The following EVL variants were observed in gnomAD, a reference collection of about 807,000 sequenced individuals.
The protein encoded by EVL is ena/VASP-like protein.
A neutral mutation model predicts 59.6 loss-of-function variants in EVL; 21 were observed. The observed-to-expected ratio is 0.35, with a 90% confidence interval of 0.25 to 0.51. The LOEUF is 0.51. Ranked by LOEUF, EVL falls within the 20% of genes least tolerant of loss-of-function variation. The pLI is 0.97. For missense variants in EVL, 462 were observed against 546.6 expected (o/e 0.85, Z 1.54); for synonymous variants, 198 against 203.5 (o/e 0.97, Z 0.23).
At chr14:100,082,400 C>T (rs1440227809) in intron 1 of EVL, among the ~76,000 whole-genome samples, 1 of 152,084 alleles carries the variant, frequency 6.6e-6, no homozygotes, top group East Asian at 1.9e-4. Context: ...GTAGCTTTGT[C>T]GTGTGGCTGA....
chr14:100,038,539 C>T (rs997956047), intron 1 of EVL, among the ~76,000 whole-genome samples: 1 of 152,236 alleles, frequency 6.6e-6, no homozygotes, highest in Non-Finnish European at 1.5e-5. Context: ...CGGAACAAGT[C>T]TGGGTCCCAT....
intron 6 of EVL, among the ~76,000 whole-genome samples, chr14:100,129,014 C>T (rs117343423): frequency 0.027 from 4,147 of 152,272 alleles, 81 homozygotes; most frequent in Non-Finnish European, 0.04. Context: ...AATTGAAGCA[C>T]AAAGAGCACG....
intron 1 of EVL, among the ~76,000 whole-genome samples, chr14:100,020,575 G>T (rs1037098531): frequency 6.6e-6 from 1 of 152,094 alleles, no homozygotes; most frequent in African/African-American, 2.4e-5. Flanking sequence ...ATATTGATGG[G>T]CAAAGAGTGA....
chr14:99,987,877 G>A (rs1252104540), intron 1 of EVL, among the ~76,000 whole-genome samples: 1 of 146,228 alleles, frequency 6.8e-6, no homozygotes, highest in Non-Finnish European at 1.5e-5. Context: ...AATAGACTAA[G>A]ACATCTCAAC....
chr14:100,000,594 A>T (rs570509723), intron 1 of EVL, among the ~76,000 whole-genome samples: 68 of 151,972 alleles, frequency 4.5e-4, no homozygotes, highest in African/African-American at 1.1e-3. Context: ...TGATCCGCCC[A>T]CCTCGGCCTC....
At chr14:100,027,997 T>C (rs1425843094) in intron 1 of EVL, among the ~76,000 whole-genome samples, 1 of 152,218 alleles carries the variant, frequency 6.6e-6, no homozygotes, top group Non-Finnish European at 1.5e-5. Context: ...TGGACCGTTG[T>C]GACTAATGCT....
chr14:100,059,105 A>G (rs1302259447), intron 1 of EVL, among the ~76,000 whole-genome samples: 3 of 152,090 alleles, frequency 2.0e-5, no homozygotes, highest in Non-Finnish European at 2.9e-5. Flanking sequence ...ATGGCAGAAT[A>G]ATGGTAATGA....
chr14:99,997,020 T>C (rs79579032), intron 1 of EVL, among the ~76,000 whole-genome samples: 1 of 152,326 alleles, frequency 6.6e-6, no homozygotes, highest in East Asian at 1.9e-4. Context: ...TGGCTAGAAA[T>C]TGTAGACTAG....
At chr14:100,072,855 GCTGCGTCGC>G (rs2062077454) in intron 1 of EVL, among the ~76,000 whole-genome samples, 1 of 152,196 alleles carries the variant, frequency 6.6e-6, no homozygotes, top group African/African-American at 2.4e-5. Context: ...GCTGGGTTTT[GCTGCGTCGC>G]CAGGTGGAGC....
intron 1 of EVL, among the ~76,000 whole-genome samples, chr14:99,990,979 TG>T (rs1165242553): frequency 2.0e-5 from 3 of 152,288 alleles, no homozygotes; most frequent in Non-Finnish European, 4.4e-5. Context: ...AACATGGGTT[TG>T]AACTATGCTG....
intron 1 of EVL, among the ~76,000 whole-genome samples, chr14:100,033,922 G>A (rs2061349906): frequency 6.6e-6 from 1 of 152,012 alleles, no homozygotes; most frequent in Admixed American, 6.6e-5. Context: ...GAAGTCCTGT[G>A]GTCAGTTTAA....
At chr14:100,020,998 C>T (rs1313436995) in intron 1 of EVL, among the ~76,000 whole-genome samples, 2 of 152,220 alleles carry the variant, frequency 1.3e-5, no homozygotes, top group African/African-American at 4.8e-5. Context: ...TATATAATGT[C>T]TGGCGTGTTA....
chr14:100,047,112 C>CTTTTTTTTT (rs1566983234), intron 1 of EVL, among the ~76,000 whole-genome samples: 1 of 11,404 alleles, frequency 8.8e-5, no homozygotes, highest in South Asian at 3.1e-3. Context: ...GGGCAGATCT[C>CTTTTTTTTT]TCTCTCTTTT....
At chr14:100,007,607 G>A (rs2060990818) in intron 1 of EVL, among the ~76,000 whole-genome samples, 1 of 152,220 alleles carries the variant, frequency 6.6e-6, no homozygotes, top group Admixed American at 6.5e-5. Flanking sequence ...AGAGTGACTG[G>A]CCAAGGGGCC....
At chr14:100,138,068 A>C (rs1281714404) in intron 11 of EVL, 9 of 572,046 alleles carry the variant, frequency 1.6e-5, no homozygotes, top group Non-Finnish European at 2.5e-5. Flanking sequence ...ATGGAGTCCC[A>C]GCTCTGGACT....
chr14:100,120,989 A>C (rs1051097595), intron 3 of EVL, among the ~76,000 whole-genome samples: 7 of 152,198 alleles, frequency 4.6e-5, no homozygotes, highest in African/African-American at 1.7e-4. Flanking sequence ...GACTCCCACC[A>C]TCCCCATCGC....
intron 1 of EVL, among the ~76,000 whole-genome samples, chr14:100,053,876 C>T (rs1355359547): frequency 1.3e-5 from 2 of 152,010 alleles, no homozygotes; most frequent in Non-Finnish European, 2.9e-5. Flanking sequence ...TCTCAAACTC[C>T]TGGGCTCAAG....
At chr14:100,051,149 A>G (rs904218171) in intron 1 of EVL, among the ~76,000 whole-genome samples, 2 of 152,208 alleles carry the variant, frequency 1.3e-5, no homozygotes, top group Non-Finnish European at 2.9e-5. Flanking sequence ...GAAAAATTCA[A>G]TGGCAAATTC....
chr14:100,110,435 G>A (rs1228246581), intron 3 of EVL, among the ~76,000 whole-genome samples: 14 of 152,108 alleles, frequency 9.2e-5, no homozygotes, highest in Admixed American at 5.2e-4. Flanking sequence ...CAGCCATCAC[G>A]TTGGGACACA....
Sources: gnomAD v4.1 joint callset for allele counts (sites outside exome capture counted in the v4.1 genomes callset) on GRCh38, gnomAD v4.1.1 for gene constraint, MANE v1.5 for transcripts, NCBI Gene and HGNC (gene_info 2026-07-23, HGNC 2026-07-21) for gene names.